Variants in XPO4 observed in about 807,000 individuals in gnomAD.
XPO4 encodes the protein exportin 4, also known as exportin-4.
XPO4 carries 39 observed loss-of-function variants against 143.0 expected under a neutral mutation model. That is an observed-to-expected ratio of 0.27 (90% CI 0.21 to 0.36). The LOEUF is 0.36. Ranked by LOEUF, XPO4 falls within the 10% of genes least tolerant of loss-of-function variation. The pLI is 1.00. For missense variants in XPO4, 907 were observed against 1,348.0 expected (o/e 0.67, Z 5.12); for synonymous variants, 439 against 474.0 (o/e 0.93, Z 0.96).
At chr13:20,887,761 A>G (rs1443752504) in intron 1 of XPO4, among the ~76,000 whole-genome samples, 1 of 152,004 alleles carries the variant, frequency 6.6e-6, no homozygotes, top group African/African-American at 2.4e-5. Context: ...CTTGGGAGGC[A>G]GAGGCAGGTG....
chr13:20,855,701 A>G lies in XPO4; in HGVS notation c.382T>C (p.Leu128=). The G allele has an allele frequency of 6.2e-7, 1 of 1,612,304 alleles. No homozygotes were observed. Among genetic ancestry groups the G allele is most frequent in the Non-Finnish European group, 8.5e-7 (1 of 1,179,624 alleles). The change falls in exon 4 of 23, where the codon TTA becomes CTA. Residue 128 remains leucine, a synonymous_variant. Transcript: ENST00000255305. ...AVAVIVKRGS[L]DKSIDCKSIF... ...CTTTTGCAGTCAATTGATTTATCTA[A>G]TGATCCTCTTTTTACAATTACTGCT...
intron 1 of XPO4, chr13:20,902,188 T>G: frequency 1.0e-6 from 1 of 985,342 alleles, no homozygotes; most frequent in Non-Finnish European, 1.2e-6. Flanking sequence ...GGTGGCTGCA[T>G]GTCAGGGAAG....
intron 3 of XPO4, among the ~76,000 whole-genome samples, chr13:20,861,713 C>T (rs1386023157): frequency 6.6e-6 from 1 of 151,452 alleles, no homozygotes; most frequent in East Asian, 1.9e-4. Context: ...AAAACTCATC[C>T]TATTTTCAAT....
rs1040872174 is a variant in XPO4 at position 20,862,895 on chromosome 13, T to A, written c.176-37A>T. 3.1e-6 allele frequency: 5 copies of A among 1,609,126 alleles called. No individual in the cohort carries two copies. The African/African-American group carries it at 6.7e-5, about 22-fold the overall frequency. On this transcript the variant is annotated intron_variant, in intron 2 of 22. Transcript: ENST00000255305. ...ATTAAAAACTTTATTTAAACAATAA[T>A]TCATTTTACCTTGCACATTTTGCAT... is the stretch of plus-strand genomic sequence containing the variant.
intron 4 of XPO4, chr13:20,849,853 C>T: frequency 1.0e-6 from 1 of 973,952 alleles, no homozygotes; most frequent in Non-Finnish European, 1.2e-6. Flanking sequence ...CACCTGTAAT[C>T]CCAGCACTTT....
At chr13:20,799,442 T>G in intron 15 of XPO4, 103 bp from the exon 16 acceptor site, 1 of 1,044,072 alleles carries the variant, frequency 9.6e-7, no homozygotes, top group African/African-American at 1.6e-5. Flanking sequence ...TAACTAGATT[T>G]AATTACTGTT....
Position 20,853,074 on chromosome 13 carries a change from G to A in XPO4, c.456+2553C>T. On this transcript the variant is annotated intron_variant, in intron 4 of 22. Coordinates refer to ENST00000255305, the MANE Select transcript of XPO4 (RefSeq NM_022459.5). ...TGGCCAGCCGTGGTGGCTCACATCT[G>A]TAATCCCAGCATTTTGGAAGGCTGA... 3 of 983,420 alleles carry A rather than the reference G, an allele frequency of 3.1e-6. No homozygotes were observed. The African/African-American group carries it at 5.2e-5, about 17-fold the overall frequency. 60.9% of individuals were successfully genotyped at this position (983,420 alleles called of 1,614,324 possible).
intron 9 of XPO4, among the ~76,000 whole-genome samples, chr13:20,813,252 G>A (rs1425457067): frequency 6.6e-6 from 1 of 152,100 alleles, no homozygotes; most frequent in East Asian, 1.9e-4. Context: ...ATGTGATTTG[G>A]GTGGGGACAC....
chr13:20,876,643 A>G (rs1381968657), intron 1 of XPO4, among the ~76,000 whole-genome samples: 1 of 152,186 alleles, frequency 6.6e-6, no homozygotes, highest in Non-Finnish European at 1.5e-5. Context: ...AAAAAGCAAA[A>G]ATTCTTTTTA....
intron 1 of XPO4, among the ~76,000 whole-genome samples, chr13:20,882,314 CCAA>C (rs59278238): frequency 0.024 from 3,716 of 152,136 alleles, 116 homozygotes; most frequent in Middle Eastern, 0.075. Context: ...ACACACGGTA[CCAA>C]CATCTGCTCA....
At chr13:20,838,863 T>C (rs1455573462) in intron 6 of XPO4, among the ~76,000 whole-genome samples, 1 of 151,990 alleles carries the variant, frequency 6.6e-6, no homozygotes, top group East Asian at 1.9e-4. Flanking sequence ...GATAAATGGA[T>C]TAAAAAAGTG....
At chr13:20,815,240 T>G (rs1198010307) in intron 9 of XPO4, among the ~76,000 whole-genome samples, 1 of 152,152 alleles carries the variant, frequency 6.6e-6, no homozygotes, top group East Asian at 1.9e-4. Context: ...ACCTTAATGA[T>G]GGACATCACA....
At position 20,782,723 on chromosome 13, in the gene XPO4, G is replaced by C. The variant is rs1232735877; in HGVS notation, c.*999C>G. ...CCTACATAAATACACGATCGAAAGG[G>C]GCAACAGGTTCATAGCAGCTAACAC... is the stretch of plus-strand genomic sequence containing the variant. On this transcript the variant is annotated 3_prime_UTR_variant, in exon 23 of 23. Coordinates refer to ENST00000255305, the MANE Select transcript of XPO4 (RefSeq NM_022459.5). 6.6e-6 allele frequency: 1 copy of C among 152,490 alleles called. No homozygotes were observed. Among genetic ancestry groups the C allele is most frequent in the East Asian group, 1.9e-4 (1 of 5,198 alleles). 9.4% of individuals were successfully genotyped at this position (152,490 alleles called of 1,614,324 possible). A position where few individuals can be genotyped will look rare whatever the true frequency, so the allele number is the denominator to read the frequency against.
intron 3 of XPO4, among the ~76,000 whole-genome samples, chr13:20,859,189 C>T (rs978614872): frequency 2.0e-5 from 3 of 151,846 alleles, no homozygotes; most frequent in Admixed American, 6.6e-5. Context: ...GAAAAGGAGG[C>T]TGGGCACGGT....
intron 6 of XPO4, among the ~76,000 whole-genome samples, chr13:20,831,966 T>C (rs1319145185): frequency 6.6e-6 from 1 of 152,106 alleles, no homozygotes; most frequent in Non-Finnish European, 1.5e-5. Context: ...TCCAGCTACA[T>C]GTAAATTCAA....
rs548027039 is a variant in XPO4 at position 20,811,921 on chromosome 13, T to G, written c.1174-1954A>C. On this transcript the variant is annotated intron_variant, in intron 9 of 22. Coordinates refer to ENST00000255305, the MANE Select transcript of XPO4 (RefSeq NM_022459.5). ...TTTAGATCCAAAATAGGAATCCAAG[T>G]GGGAATGTTCTATTAACATGTTTGA... 3.9e-5 allele frequency among the ~76,000 whole-genome samples: 6 copies of G among 152,284 alleles called. No individual in the cohort carries two copies. In the East Asian group the frequency reaches 5.8e-4, roughly 15 times the overall value.
intron 4 of XPO4, among the ~76,000 whole-genome samples, chr13:20,846,873 AT>A (rs1199986006): frequency 6.6e-6 from 1 of 152,198 alleles, no homozygotes; most frequent in African/African-American, 2.4e-5. Flanking sequence ...TTAAAAACAA[AT>A]GTGTTCTATT....
At chr13:20,838,526 C>T (rs1193688508) in intron 6 of XPO4, among the ~76,000 whole-genome samples, 2 of 146,036 alleles carry the variant, frequency 1.4e-5, no homozygotes, top group Non-Finnish European at 3.0e-5. Flanking sequence ...AGGAGAATGG[C>T]GTGAACCTGG....
chr13:20,875,261 C>T (rs140693794), intron 1 of XPO4, among the ~76,000 whole-genome samples: 8 of 152,206 alleles, frequency 5.3e-5, no homozygotes, highest in Non-Finnish European at 8.8e-5. Flanking sequence ...AATCCATTAA[C>T]ACAAAATGAA....
Sources: gnomAD v4.1 joint callset for allele counts (sites outside exome capture counted in the v4.1 genomes callset) on GRCh38, gnomAD v4.1.1 for gene constraint, MANE v1.5 for transcripts, NCBI Gene and HGNC (gene_info 2026-07-23, HGNC 2026-07-21) for gene names.